Variants in FNDC3B observed in about 807,000 individuals in gnomAD.
The protein encoded by FNDC3B is fibronectin type III domain-containing protein 3B.
Under a neutral mutation model 151.5 loss-of-function variants are expected in FNDC3B, and 12 were observed. That is an observed-to-expected ratio of 0.08 (90% CI 0.05 to 0.13). The LOEUF (loss-of-function observed/expected upper bound fraction) is 0.13, where lower values mean the gene tolerates loss of function less well. FNDC3B is among the 10% of genes least tolerant of loss of function. The probability of loss-of-function intolerance (pLI) is 1.00; values close to 1 mark genes in which losing one functional copy is unlikely to be tolerated. For synonymous variants in FNDC3B, 528 were observed against 549.0 expected (o/e 0.96, Z 0.54); for missense variants, 1,214 against 1,505.3 (o/e 0.81, Z 3.20).
At chr3:172,393,631 T>G (rs1023836285) in intron 25 of FNDC3B, among the ~76,000 whole-genome samples, 1 of 152,210 alleles carries the variant, frequency 6.6e-6, no homozygotes, top group Non-Finnish European at 1.5e-5. Context: ...AGCCTGAAAT[T>G]ATATCAAGTA....
At chr3:172,388,833 G>A (rs998294634) in intron 25 of FNDC3B, among the ~76,000 whole-genome samples, 1 of 152,134 alleles carries the variant, frequency 6.6e-6, no homozygotes, top group African/African-American at 2.4e-5. Flanking sequence ...TTTCTGCAAG[G>A]CGGGGCAGGG....
At chr3:172,100,694 T>G (rs529151036) in intron 1 of FNDC3B, among the ~76,000 whole-genome samples, 16 of 152,326 alleles carry the variant, frequency 1.1e-4, no homozygotes, top group African/African-American at 3.6e-4. Context: ...TTCGGTCTCT[T>G]CTGAGCTCTA....
rs1407076759 is a variant in FNDC3B, at chr3:172,121,068, G to T, written c.111+8478G>T. Among the ~76,000 whole-genome samples, 3 of 152,144 alleles carry T rather than the reference G, an allele frequency of 2.0e-5. No homozygotes were observed. In the East Asian group the frequency reaches 5.8e-4, roughly 29 times the overall value. On this transcript the variant is annotated intron_variant, in intron 2 of 25. Coordinates refer to ENST00000415807, the MANE Select transcript of FNDC3B (RefSeq NM_022763.4). ...GAAGTTGCAGCCATTTGCTGTTGATGCGGAATGTCCTCTTCGGTGCCTACT... is the reference window on the plus strand; with the variant it reads ...GAAGTTGCAGCCATTTGCTGTTGATTCGGAATGTCCTCTTCGGTGCCTACT...
intron 2 of FNDC3B, among the ~76,000 whole-genome samples, chr3:172,115,770 A>G (rs115960016): frequency 1.2e-3 from 182 of 152,302 alleles, no homozygotes; most frequent in African/African-American, 4.3e-3. Flanking sequence ...TCCCCTGGCC[A>G]TAGGATTCTG....
At chr3:172,081,369 A>G (rs1197959531) in intron 1 of FNDC3B, among the ~76,000 whole-genome samples, 2 of 152,168 alleles carry the variant, frequency 1.3e-5, no homozygotes, top group African/African-American at 4.8e-5. Flanking sequence ...ACAGAGCACA[A>G]AACTTATTGA....
intron 3 of FNDC3B, among the ~76,000 whole-genome samples, chr3:172,201,337 T>C (rs1576792679): frequency 6.6e-6 from 1 of 151,794 alleles, no homozygotes; most frequent in African/African-American, 2.4e-5. Context: ...GTCTGTGAGG[T>C]TTTTTTTCCT....
intron 3 of FNDC3B, among the ~76,000 whole-genome samples, chr3:172,153,296 A>G (rs1473629658): frequency 6.6e-6 from 1 of 152,220 alleles, no homozygotes; most frequent in Non-Finnish European, 1.5e-5. Context: ...TCTCAAAGAT[A>G]GTATTCTGTG....
At chr3:172,229,986 C>A (rs1456375984) in intron 4 of FNDC3B, among the ~76,000 whole-genome samples, 2 of 152,132 alleles carry the variant, frequency 1.3e-5, no homozygotes, top group African/African-American at 4.8e-5. Context: ...TGAACCACTA[C>A]CTCACATCAT....
At chr3:172,241,148 TTTTG>T (rs1727470536) in intron 4 of FNDC3B, among the ~76,000 whole-genome samples, 1 of 152,134 alleles carries the variant, frequency 6.6e-6, no homozygotes, top group Non-Finnish European at 1.5e-5. Context: ...AAAAGAGAGT[TTTTG>T]TTTGTTTGTT....
At position 172,251,415 on chromosome 3, in the gene FNDC3B, T is replaced by C; in HGVS notation, c.664T>C (p.Tyr222His). 1 of 1,613,996 alleles carries C rather than the reference T, an allele frequency of 6.2e-7. No homozygotes were observed. The highest frequency in any genetic ancestry group is 8.5e-7 in the Non-Finnish European group (1 of 1,179,968). ...SIYKSSCTTV[Y>H]NGYGKGHSGG... ...CTACAAAAGCAGCTGCACAACAGTA[T>C]ACAATGGCTATGGGAAGGGCCATAG... The change falls in exon 6 of 26, where the codon TAC becomes CAC. Residue 222 changes from tyrosine to histidine, a missense_variant. Coordinates refer to ENST00000415807, the MANE Select transcript of FNDC3B (RefSeq NM_022763.4).
chr3:172,077,536 C>T lies in FNDC3B; in HGVS notation c.-28-34916C>T, dbSNP rs190848267. Among the ~76,000 whole-genome samples, 22 of 152,302 alleles carry T rather than the reference C, an allele frequency of 1.4e-4. No homozygotes were observed. The East Asian group carries it at 4.2e-3, about 29-fold the overall frequency. ...ATTAAAGCTTTCTAGTCCAAGTTAG[C>T]AGATGGCGATTTATGTCGGACTTAT... On this transcript the variant is annotated intron_variant, in intron 1 of 25. Coordinates refer to ENST00000415807, the MANE Select transcript of FNDC3B (RefSeq NM_022763.4).
At chr3:172,177,862 C>T (rs1235187402) in intron 3 of FNDC3B, among the ~76,000 whole-genome samples, 1 of 151,824 alleles carries the variant, frequency 6.6e-6, no homozygotes, top group Non-Finnish European at 1.5e-5. Flanking sequence ...CACCCCTGTC[C>T]CTGACAGGCC....
chr3:172,081,649 T>G (rs778592578), intron 1 of FNDC3B, among the ~76,000 whole-genome samples: 7 of 152,204 alleles, frequency 4.6e-5, no homozygotes, highest in Non-Finnish European at 8.8e-5. Flanking sequence ...GAATACACTT[T>G]TGGATGCAGA....
At chr3:172,057,941 AG>A (rs1297654725) in intron 1 of FNDC3B, among the ~76,000 whole-genome samples, 1 of 151,528 alleles carries the variant, frequency 6.6e-6, no homozygotes, top group Non-Finnish European at 1.5e-5. Context: ...TGCTACATAG[AG>A]GTTGATTCTT....
chr3:172,136,760 C>T (rs1721388073), intron 3 of FNDC3B, among the ~76,000 whole-genome samples: 2 of 152,162 alleles, frequency 1.3e-5, no homozygotes, highest in Non-Finnish European at 2.9e-5. Flanking sequence ...CACTCTGTCG[C>T]CCAGGCTGGA....
At chr3:172,055,779 GTTTC>G (rs779147461) in intron 1 of FNDC3B, among the ~76,000 whole-genome samples, 39 of 151,394 alleles carry the variant, frequency 2.6e-4, no homozygotes, top group East Asian at 1.9e-4. Context: ...TTCCTAGTAT[GTTTC>G]TTTCTTTTTT....
chr3:172,312,679 TC>T (rs1731576705), intron 11 of FNDC3B, among the ~76,000 whole-genome samples: 1 of 152,016 alleles, frequency 6.6e-6, no homozygotes, highest in South Asian at 2.1e-4. Context: ...TGCATATGAA[TC>T]CTGTGTTTTT....
At chr3:172,251,683 C>G in intron 6 of FNDC3B, 142 bp downstream of exon 6, 5 of 709,830 alleles carry the variant, frequency 7.0e-6, no homozygotes, top group Non-Finnish European at 1.1e-5. Context: ...CTTCTTTGAT[C>G]TATTTCTTGG....
At chr3:172,396,889 T>C (rs1221558940) in intron 25 of FNDC3B, among the ~76,000 whole-genome samples, 1 of 152,244 alleles carries the variant, frequency 6.6e-6, no homozygotes, top group Non-Finnish European at 1.5e-5. Flanking sequence ...GCATCCTTAC[T>C]ACTTAAAATG....
Sources: allele counts gnomAD v4.1 joint callset (sites outside exome capture counted in the v4.1 genomes callset), GRCh38; gene constraint gnomAD v4.1.1; transcripts MANE v1.5; gene names NCBI Gene and HGNC (gene_info 2026-07-23, HGNC 2026-07-21).